Variants in VPS13D observed in about 807,000 individuals in gnomAD.
VPS13D encodes the protein vacuolar protein sorting 13 homolog D.
VPS13D carries 187 observed loss-of-function variants against 461.9 expected under a neutral mutation model. That is an observed-to-expected ratio of 0.40 (90% CI 0.36 to 0.46). The LOEUF (loss-of-function observed/expected upper bound fraction) is 0.46. Among genes scored for constraint, VPS13D ranks in the 20% least tolerant of loss-of-function variants. The pLI is 0.60. For synonymous variants in VPS13D, 1,951 were observed against 1,986.3 expected, an observed-to-expected ratio of 0.98 and a Z score of 0.47; for missense variants, 4,711 against 5,364.9, an observed-to-expected ratio of 0.88 and a Z score of 3.81.
At position 12,244,259 on chromosome 1, in the gene VPS13D, A is replaced by G. The variant is rs781378590; in HGVS notation, c.189A>G (p.Lys63=). The change falls in exon 4 of 70, where the codon AAA becomes AAG. Residue 63 remains lysine (K), a synonymous_variant. Transcript: ENST00000620676. Reference sequence around the variant, plus strand: ...TTCTCCTTCCAGGCTTCATTGGGAAAGTAACCCTTCAGATTCCCTTTTATC... The same window carrying G: ...TTCTCCTTCCAGGCTTCATTGGGAAGGTAACCCTTCAGATTCCCTTTTATC... ...PFEVKAGFIG[K]VTLQIPFYRP... The G allele has an allele frequency of 3.7e-6, 6 of 1,612,268 alleles. No individual in the cohort carries two copies. In the Admixed American group the frequency reaches 8.4e-5, roughly 23 times the overall value.
intron 54 of VPS13D, among the ~76,000 whole-genome samples, chr1:12,370,543 C>T (rs932517309): frequency 3.9e-5 from 6 of 152,204 alleles, no homozygotes; most frequent in Non-Finnish European, 8.8e-5. Flanking sequence ...CATTATCTCT[C>T]TCATCTGCTT....
intron 65 of VPS13D, among the ~76,000 whole-genome samples, chr1:12,439,889 A>C (rs1474429139): frequency 6.6e-6 from 1 of 152,124 alleles, no homozygotes; most frequent in East Asian, 1.9e-4. Flanking sequence ...TTGAACCCTA[A>C]TGTGTGACCC....
chr1:12,361,430 C>T, intron 50 of VPS13D, among the ~76,000 whole-genome samples: 1 of 146,262 alleles, frequency 6.8e-6, no homozygotes, highest in Non-Finnish European at 1.5e-5. Context: ...GAGTCTCGCT[C>T]TGTCGCCCAG....
intron 21 of VPS13D, among the ~76,000 whole-genome samples, chr1:12,286,046 C>T (rs1200765669): frequency 4.0e-5 from 6 of 149,590 alleles, no homozygotes; most frequent in Non-Finnish European, 7.4e-5. Context: ...CCCTCCCTTC[C>T]CTTCCTTTCC....
In VPS13D at chr1:12,362,801, A is replaced by C; in HGVS notation, c.10223A>C (p.Lys3408Thr). 1 of 1,614,228 alleles carries C rather than the reference A, an allele frequency of 6.2e-7. No homozygotes were observed. Among genetic ancestry groups the C allele is most frequent in the Admixed American group, 1.7e-5 (1 of 60,030 alleles). The change falls in exon 51 of 70, where the codon AAA becomes ACA. Residue 3408 changes from lysine (K) to threonine (T), a missense_variant. Around this residue, in one of 3 missense-constraint regions of VPS13D, gnomAD observed 4,411 missense variants for 4,937.8 expected, o/e 0.89. Transcript: ENST00000620676. Reference sequence around the variant, plus strand: ...GCCCCCCGTTACCTGTTAGATAATAAATCATCTCACAAGCTTGCATTTGCA... The same window carrying C: ...GCCCCCCGTTACCTGTTAGATAATACATCATCTCACAAGCTTGCATTTGCA... ...IFAPRYLLDN[K>T]SSHKLAFAQR...
Position 12,504,005 on chromosome 1 carries a change from G to A in VPS13D, c.12795-2848G>A, listed in dbSNP as rs116396933. Among the ~76,000 whole-genome samples, 931 of 152,224 alleles carry A rather than the reference G, an allele frequency of 6.1e-3. 14 individuals are homozygous for A. The highest frequency in any genetic ancestry group is 0.021 in the African/African-American group (879 of 41,522). On this transcript the variant is annotated intron_variant, in intron 68 of 69. Transcript: ENST00000620676. ...CAGAGGGGAGGGCGGGGAGCGTGCC[G>A]CGTTTGCCAGGCTTCTCTTACCACC...
intron 49 of VPS13D, among the ~76,000 whole-genome samples, chr1:12,356,912 C>T (rs59734791): frequency 0.01 from 1,575 of 152,236 alleles, 30 homozygotes; most frequent in African/African-American, 0.036. Flanking sequence ...TTGGTGAAGC[C>T]GTCAGCCTCA....
At chr1:12,426,842 C>T (rs775389950) in intron 65 of VPS13D, among the ~76,000 whole-genome samples, 3 of 151,868 alleles carry the variant, frequency 2.0e-5, no homozygotes, top group East Asian at 1.9e-4. Flanking sequence ...GGTGAAACGT[C>T]GTCTCTACTA....
chr1:12,273,500 C>T (rs772655920), intron 18 of VPS13D, among the ~76,000 whole-genome samples: 5 of 152,054 alleles, frequency 3.3e-5, no homozygotes, highest in Admixed American at 1.3e-4. Context: ...TATTTAATAT[C>T]GGGAGGACTT....
chr1:12,428,027 A>G (rs1644943771), intron 65 of VPS13D, among the ~76,000 whole-genome samples: 1 of 152,238 alleles, frequency 6.6e-6, no homozygotes, highest in Non-Finnish European at 1.5e-5. Context: ...GACAAGAATA[A>G]TTCTTGTAGC....
chr1:12,498,309 T>C (rs1289851473), intron 68 of VPS13D, among the ~76,000 whole-genome samples: 2 of 152,194 alleles, frequency 1.3e-5, no homozygotes, highest in East Asian at 3.9e-4. Context: ...TTCTGATGCT[T>C]ATTTGCCATC....
intron 1 of VPS13D, among the ~76,000 whole-genome samples, chr1:12,231,482 G>T (rs1005488385): frequency 2.6e-5 from 4 of 152,212 alleles, no homozygotes; most frequent in Non-Finnish European, 5.9e-5. Flanking sequence ...GTAGGGTAGG[G>T]CCTGAACTTG....
chr1:12,425,103 ACACT>A (rs1164123879), intron 65 of VPS13D, among the ~76,000 whole-genome samples: 2 of 152,146 alleles, frequency 1.3e-5, no homozygotes, highest in African/African-American at 2.4e-5. Flanking sequence ...AATTTTCAAG[ACACT>A]CACTCTGTTT....
chr1:12,304,316 G>T (rs559088637), intron 25 of VPS13D, among the ~76,000 whole-genome samples, 190 bp from the exon 26 acceptor site: 1 of 152,326 alleles, frequency 6.6e-6, no homozygotes, highest in African/African-American at 2.4e-5. Context: ...TTTTGTGGCA[G>T]TAAATGTCGT....
chr1:12,357,401 TCTC>T (rs1643895221), intron 49 of VPS13D, among the ~76,000 whole-genome samples: 2 of 152,350 alleles, frequency 1.3e-5, no homozygotes, highest in South Asian at 4.1e-4. Flanking sequence ...GTCTCATTCT[TCTC>T]CTGAAATGAT....
intron 40 of VPS13D, among the ~76,000 whole-genome samples, chr1:12,340,935 G>A (rs1643555268): frequency 6.6e-6 from 1 of 152,178 alleles, no homozygotes; most frequent in Non-Finnish European, 1.5e-5. Context: ...TGTTCCATGT[G>A]GAACCACATA....
At chr1:12,286,376 C>A (rs1196365689) in intron 21 of VPS13D, among the ~76,000 whole-genome samples, 2 of 152,190 alleles carry the variant, frequency 1.3e-5, no homozygotes, top group African/African-American at 2.4e-5. Context: ...CTGTGCCCAG[C>A]CTGATGCATG....
intron 35 of VPS13D, among the ~76,000 whole-genome samples, chr1:12,327,260 C>G (rs1399225419): frequency 6.6e-6 from 1 of 152,182 alleles, no homozygotes; most frequent in Non-Finnish European, 1.5e-5. Context: ...GTACTGGCCT[C>G]TGGTGACTTA....
At chr1:12,480,584 A>G (rs1304796120) in intron 67 of VPS13D, among the ~76,000 whole-genome samples, 2 of 152,192 alleles carry the variant, frequency 1.3e-5, no homozygotes, top group African/African-American at 4.8e-5. Context: ...AAGTTCAGCA[A>G]ACGTTGGTAC....
Sources: allele counts gnomAD v4.1 joint callset (sites outside exome capture counted in the v4.1 genomes callset), GRCh38; gene constraint gnomAD v4.1.1; regional missense constraint gnomAD v4.1.1; transcripts MANE v1.5; gene names NCBI Gene and HGNC (gene_info 2026-07-23, HGNC 2026-07-21).